The following PHGDH variants were observed in gnomAD, a reference collection of about 807,000 sequenced individuals.
The protein encoded by PHGDH is D-3-phosphoglycerate dehydrogenase.
In PHGDH, 50 loss-of-function variants were observed where a neutral mutation model predicts 52.6. The ratio of observed to expected loss-of-function variants is 0.95; its 90% CI spans 0.76 to 1.20. PHGDH has a LOEUF of 1.20. Ranked by LOEUF, PHGDH falls within the 50% of genes most tolerant of loss-of-function variation. The pLI, the probability that PHGDH is intolerant of heterozygous loss-of-function variation, is 0.00. For synonymous variants in PHGDH, 271 were observed against 280.5 expected (o/e 0.97, Z 0.34); for missense variants, 630 against 684.6 (o/e 0.92, Z 0.89).
chr1:119,727,558 C>T (rs839618), intron 5 of PHGDH: 112,587 of 208,656 alleles, frequency 0.54, 31,142 homozygotes, highest in Non-Finnish European at 0.58. Context: ...TGGCCGGGCG[C>T]GGTGGCTCAC....
chr1:119,718,645 C>A (rs1651026988), intron 1 of PHGDH, among the ~76,000 whole-genome samples: 1 of 152,168 alleles, frequency 6.6e-6, no homozygotes, highest in South Asian at 2.1e-4. Flanking sequence ...GTTTCTTTAT[C>A]TGGAAACTGG....
At chr1:119,719,438 G>A (rs180773561) in intron 1 of PHGDH, among the ~76,000 whole-genome samples, 14 of 152,286 alleles carry the variant, frequency 9.2e-5, no homozygotes, top group Middle Eastern at 3.4e-3. Flanking sequence ...CCACTCTGAC[G>A]TTCTGCTTCA....
chr1:119,735,634 G>A (rs1306372069), intron 7 of PHGDH, among the ~76,000 whole-genome samples, 191 bp downstream of exon 7: 1 of 152,242 alleles, frequency 6.6e-6, no homozygotes, highest in Non-Finnish European at 1.5e-5. Flanking sequence ...AGCCTGGTAT[G>A]GAGGCAGCTA....
At chr1:119,735,023 G>T in intron 6 of PHGDH, 1 of 621,078 alleles carries the variant, frequency 1.6e-6, no homozygotes, top group Non-Finnish European at 2.8e-6. Context: ...TGCAGCCCCT[G>T]CAGGGCTTTC....
chr1:119,741,717 T>TACAGGG, intron 9 of PHGDH, 50 bp from the exon 10 acceptor site: 1 of 1,583,274 alleles, frequency 6.3e-7, no homozygotes, highest in Non-Finnish European at 8.7e-7. Flanking sequence ...TGCCCCCTCC[T>TACAGGG]GTAGTGCTCA....
At chr1:119,713,833 A>G (rs1284343475) in intron 1 of PHGDH, among the ~76,000 whole-genome samples, 2 of 152,140 alleles carry the variant, frequency 1.3e-5, no homozygotes. Flanking sequence ...AAAGGAAATT[A>G]GAAACCTGAT....
rs1180990036 is a variant in PHGDH at position 119,741,759 on chromosome 1, G to A, written c.1079-8G>A. 1.2e-6 allele frequency: 2 copies of A among 1,613,462 alleles called. No homozygotes were observed. The highest frequency in any genetic ancestry group is 1.7e-6 in the Non-Finnish European group (2 of 1,179,536). ...AGTGACCTCATGGTAGCTTCTCTCT[G>A]TCCCCAGGAACATCCCTGAAGAATG... On this transcript the variant is annotated splice_polypyrimidine_tract_variant and splice_region_variant and intron_variant, in intron 9 of 11. Transcript: ENST00000641023.
At chr1:119,728,918 T>C (rs1651571833) in intron 5 of PHGDH, among the ~76,000 whole-genome samples, 1 of 152,186 alleles carries the variant, frequency 6.6e-6, no homozygotes, top group South Asian at 2.1e-4. Context: ...TCCTACCTTC[T>C]TAGAGTTAGA....
intron 10 of PHGDH, chr1:119,742,467 G>A (rs1652252093): frequency 2.7e-5 from 13 of 478,866 alleles, no homozygotes; most frequent in Non-Finnish European, 4.6e-5. Flanking sequence ...TGCCACTGAT[G>A]CCGTGCAGGA....
At chr1:119,712,504 T>C (rs1650741202) in intron 1 of PHGDH, 1 of 347,610 alleles carries the variant, frequency 2.9e-6, no homozygotes, top group Admixed American at 4.1e-5. Context: ...TAGCGCGCAA[T>C]TGTTCTGGCA....
chr1:119,734,671 C>T lies in PHGDH; in HGVS notation c.548C>T (p.Ser183Leu), dbSNP rs376632509. 2.5e-5 allele frequency: 41 copies of T among 1,613,976 alleles called. No homozygotes were observed. Among genetic ancestry groups the T allele is most frequent in the African/African-American group, 5.3e-5 (4 of 74,918 alleles). The change falls in exon 6 of 12, where the codon TCG becomes TTG. Residue 183 changes from serine (S) to leucine (L), a missense_variant. Ser to Leu is a moderately radical substitution (Grantham distance 145, BLOSUM62 -2). Transcript: ENST00000641023. ...GACCCCATCATTTCCCCAGAGGTCT[C>T]GGCCTCCTTTGGTGTTCAGCAGCTG... ...GYDPIISPEV[S>L]ASFGVQQLPL...
At chr1:119,725,384 A>T (rs1350401544) in intron 3 of PHGDH, among the ~76,000 whole-genome samples, 1 of 152,132 alleles carries the variant, frequency 6.6e-6, no homozygotes, top group East Asian at 1.9e-4. Flanking sequence ...GTGGGAAGAA[A>T]ATAGGATGTG....
In PHGDH at chr1:119,741,766, G is replaced by C; in HGVS notation, c.1079-1G>C. 1 of 1,613,814 alleles carries C rather than the reference G, an allele frequency of 6.2e-7. No individual in the cohort carries two copies. The highest frequency in any genetic ancestry group is 8.5e-7 in the Non-Finnish European group (1 of 1,179,712). ...TCATGGTAGCTTCTCTCTGTCCCCA[G>C]GAACATCCCTGAAGAATGCTGGGAA... On this transcript the variant is annotated splice_acceptor_variant, in intron 9 of 11. Transcript: ENST00000641023. LOFTEE classifies it high-confidence loss of function.
chr1:119,738,640 T>A (rs1571015115), intron 8 of PHGDH, among the ~76,000 whole-genome samples: 1 of 152,380 alleles, frequency 6.6e-6, no homozygotes, highest in Non-Finnish European at 1.5e-5. Context: ...GTTTTACCCT[T>A]TCAGCCTTCT....
At chr1:119,737,963 A>G (rs1333440695) in intron 8 of PHGDH, among the ~76,000 whole-genome samples, 1 of 152,192 alleles carries the variant, frequency 6.6e-6, no homozygotes, top group Non-Finnish European at 1.5e-5. Flanking sequence ...CTCTCCTTCC[A>G]GGGGCTTGCT....
intron 8 of PHGDH, chr1:119,740,109 A>G (rs1017197543): frequency 5.6e-5 from 26 of 463,394 alleles, no homozygotes; most frequent in African/African-American, 3.8e-4. Flanking sequence ...CAAGTCTCCC[A>G]TGGAGGGGGC....
chr1:119,737,100 CTCTT>C lies in PHGDH; in HGVS notation c.793-10_793-7del, dbSNP rs1651972276. Reference sequence around the variant, plus strand: ...TCCATGGCAGCCAACTTAGAGGTATCTCTTTCTGGGCAGGAGCCGCCACGGGACC... The same window carrying C: ...TCCATGGCAGCCAACTTAGAGGTATCTCTGGGCAGGAGCCGCCACGGGACC... On this transcript the variant is annotated splice_polypyrimidine_tract_variant and intron_variant, in intron 7 of 11. Transcript: ENST00000641023. 1.2e-6 allele frequency: 2 copies of C among 1,613,642 alleles called. No homozygotes were observed. Among genetic ancestry groups the C allele is most frequent in the Non-Finnish European group, 1.7e-6 (2 of 1,179,864 alleles).
At chr1:119,739,544 C>A (rs770226430) in intron 8 of PHGDH, 3 of 152,094 alleles carry the variant, frequency 2.0e-5, no homozygotes, top group Non-Finnish European at 2.9e-5. Flanking sequence ...AAAAAAAATT[C>A]TTCCAATGAT....
At chr1:119,714,584 T>C (rs587748156) in intron 1 of PHGDH, 1 of 152,372 alleles carries the variant, frequency 6.6e-6, no homozygotes, top group East Asian at 1.9e-4. Context: ...ATGTGTTTCT[T>C]GGCCGGGCGC....
Sources: allele counts gnomAD v4.1 joint callset (sites outside exome capture counted in the v4.1 genomes callset), GRCh38; gene constraint gnomAD v4.1.1; transcripts MANE v1.5; gene names NCBI Gene and HGNC (gene_info 2026-07-23, HGNC 2026-07-21).